The following RBPJ variants were observed in gnomAD, a reference collection of about 807,000 sequenced individuals.
RBPJ encodes recombination signal binding protein for immunoglobulin kappa J region.
In RBPJ, 9 loss-of-function variants were observed where a neutral mutation model predicts 67.8. The observed-to-expected ratio is 0.13, with a 90% CI of 0.08 to 0.23. RBPJ has a LOEUF of 0.23. RBPJ is among the 10% of genes least tolerant of loss of function. The pLI, the probability that RBPJ is intolerant of heterozygous loss-of-function variation, is 1.00. For synonymous variants in RBPJ, 198 were observed against 203.3 expected (o/e 0.97, Z 0.22); for missense variants, 305 against 595.6 (o/e 0.51, Z 5.08).
At chr4:26,315,049 G>A (rs561546119), upstream of RBPJ, among the ~76,000 whole-genome samples, 3 of 148,836 alleles carry the variant, frequency 2.0e-5, no homozygotes, top group Admixed American at 2.0e-4. Context: ...GGAGGCTGAG[G>A]CAGGAGAACT....
At chr4:26,354,024 G>A (rs892220615) in intron 1 of RBPJ, among the ~76,000 whole-genome samples, 2 of 151,510 alleles carry the variant, frequency 1.3e-5, no homozygotes, top group African/African-American at 2.4e-5. Flanking sequence ...TCTGCCTCCC[G>A]GGTTCACGCC....
chr4:26,332,420 A>G (rs563734811), intron 1 of RBPJ, among the ~76,000 whole-genome samples: 40 of 152,330 alleles, frequency 2.6e-4, no homozygotes, highest in African/African-American at 9.1e-4. Flanking sequence ...AATTAAATAC[A>G]AATAAATCAG....
intron 1 of RBPJ, among the ~76,000 whole-genome samples, chr4:26,255,670 C>T (rs1402563399): frequency 6.6e-6 from 1 of 151,260 alleles, no homozygotes; most frequent in Non-Finnish European, 1.5e-5. Flanking sequence ...GGCGTGGTGG[C>T]AGGTGCCTGT....
chr4:26,254,298 G>T (rs1019523089), intron 1 of RBPJ, among the ~76,000 whole-genome samples: 1 of 148,900 alleles, frequency 6.7e-6, no homozygotes, highest in Non-Finnish European at 1.5e-5. Context: ...GCCCTACTTA[G>T]TCGAGCCCAG....
chr4:26,323,280 C>T lies in RBPJ; in HGVS notation c.20+2232C>T, dbSNP rs1723278719. ...AGGTAAAATCTTGAGCTCACTGGTT[C>T]TCTGACTGGGAGCAAAGTGTAAATA... On this transcript the variant is annotated intron_variant, in intron 1 of 10. Transcript: ENST00000355476. Among the ~76,000 whole-genome samples, 6 of 152,136 alleles carry T rather than the reference C, an allele frequency of 3.9e-5. 1 individual carries two copies. In the South Asian group the frequency reaches 1.2e-3, roughly 32 times the overall value.
At chr4:26,306,256 GTGGAAA>G (rs1356209690) in intron 1 of RBPJ, among the ~76,000 whole-genome samples, 1 of 152,066 alleles carries the variant, frequency 6.6e-6, no homozygotes, top group Non-Finnish European at 1.5e-5. Flanking sequence ...ATTGGTGAGA[GTGGAAA>G]TTCTTGTTTC....
chr4:26,277,119 A>AC (rs1460144996), intron 1 of RBPJ, among the ~76,000 whole-genome samples: 1 of 151,570 alleles, frequency 6.6e-6, no homozygotes, highest in Non-Finnish European at 1.5e-5. Flanking sequence ...ATTTCTAAAA[A>AC]AAAAAAAAAA....
intron 1 of RBPJ, among the ~76,000 whole-genome samples, chr4:26,180,568 G>T (rs1459094580): frequency 6.6e-6 from 1 of 152,104 alleles, no homozygotes; most frequent in East Asian, 1.9e-4. Context: ...AAGGGGTGAG[G>T]TATCTCCCTG....
chr4:26,300,190 G>A (rs1349667777), intron 1 of RBPJ, among the ~76,000 whole-genome samples: 1 of 151,414 alleles, frequency 6.6e-6, no homozygotes, highest in Non-Finnish European at 1.5e-5. Flanking sequence ...GTTTCTTCCT[G>A]CTTTAAAATA....
intron 1 of RBPJ, among the ~76,000 whole-genome samples, chr4:26,253,650 A>C (rs1426868859): frequency 7.0e-6 from 1 of 142,166 alleles, no homozygotes; most frequent in Non-Finnish European, 1.5e-5. Context: ...TTTAGAGAGT[A>C]TATTTTGCTG....
chr4:26,270,454 A>G (rs1720882167), intron 1 of RBPJ, among the ~76,000 whole-genome samples: 2 of 145,194 alleles, frequency 1.4e-5, no homozygotes, highest in Admixed American at 7.1e-5. Context: ...GAAAGAAAGA[A>G]AGAAAAGAAA....
intron 2 of RBPJ, among the ~76,000 whole-genome samples, chr4:26,401,092 T>A (rs959800658): frequency 6.6e-6 from 1 of 152,226 alleles, no homozygotes; most frequent in Non-Finnish European, 1.5e-5. Context: ...GTCTTCTTTC[T>A]AAGGAAATAA....
chr4:26,255,738 C>G (rs368776072), intron 1 of RBPJ, among the ~76,000 whole-genome samples: 4 of 149,324 alleles, frequency 2.7e-5, no homozygotes, highest in Admixed American at 6.7e-5. Context: ...GGAGGCAGAG[C>G]TTGCAGTGAG....
chr4:26,160,611 G>A (rs745950300), upstream of RBPJ, among the ~76,000 whole-genome samples: 23 of 152,312 alleles, frequency 1.5e-4, no homozygotes, highest in Middle Eastern at 3.4e-3. Context: ...TGTCCACGGC[G>A]TGGTAGGGGA....
At chr4:26,254,942 T>A (rs1451502755) in intron 1 of RBPJ, among the ~76,000 whole-genome samples, 2 of 132,900 alleles carry the variant, frequency 1.5e-5, no homozygotes, top group Non-Finnish European at 3.0e-5. Context: ...TCTGAAGTGA[T>A]CCACCGGCCT....
At chr4:26,290,057 T>G (rs2136990) in intron 1 of RBPJ, among the ~76,000 whole-genome samples, 74,116 of 149,626 alleles carry the variant, frequency 0.5, 20,909 homozygotes, top group Non-Finnish European at 0.59. Flanking sequence ...AGGCTGGGCA[T>G]GGTGACTCAT....
intron 1 of RBPJ, among the ~76,000 whole-genome samples, chr4:26,201,278 G>T (rs1039326637): frequency 6.6e-6 from 1 of 152,136 alleles, no homozygotes; most frequent in African/African-American, 2.4e-5. Context: ...CAAACTTGTG[G>T]TATAATTAGG....
chr4:26,422,255 C>T (rs773945471), intron 5 of RBPJ, among the ~76,000 whole-genome samples: 3 of 151,152 alleles, frequency 2.0e-5, no homozygotes, highest in Non-Finnish European at 2.9e-5. Context: ...AGTAGTTCAG[C>T]TGTTGTAAGT....
intron 1 of RBPJ, among the ~76,000 whole-genome samples, chr4:26,380,738 T>C (rs1730231544): frequency 1.3e-5 from 2 of 152,068 alleles, no homozygotes; most frequent in African/African-American, 4.8e-5. Flanking sequence ...AAAGTTTAGT[T>C]TAATTATGAG....
Sources: gnomAD v4.1 joint callset for allele counts (sites outside exome capture counted in the v4.1 genomes callset) on GRCh38, gnomAD v4.1.1 for gene constraint, MANE v1.5 for transcripts, NCBI Gene and HGNC (gene_info 2026-07-23, HGNC 2026-07-21) for gene names.